CHRM3: variants seen among roughly 807,000 people sequenced by gnomAD.
CHRM3 encodes cholinergic receptor muscarinic 3.
CHRM3 carries 11 observed loss-of-function variants against 41.8 expected under a neutral mutation model. That is an observed-to-expected ratio of 0.26 (90% CI 0.17 to 0.44). The LOEUF is 0.44. Among genes scored for constraint, CHRM3 ranks in the 20% least tolerant of loss-of-function variants. The pLI, the probability that CHRM3 is intolerant of heterozygous loss-of-function variation, is 1.00. For synonymous variants in CHRM3, 297 were observed against 301.4 expected (o/e 0.99, Z 0.15); for missense variants, 571 against 745.4 (o/e 0.77, Z 2.72).
At chr1:239,824,927 T>C (rs1672334008) in intron 5 of CHRM3, among the ~76,000 whole-genome samples, 1 of 152,230 alleles carries the variant, frequency 6.6e-6, no homozygotes, top group Non-Finnish European at 1.5e-5. Flanking sequence ...AAATAAAACC[T>C]GCAACTTCAG....
intron 2 of CHRM3, among the ~76,000 whole-genome samples, chr1:239,509,665 T>C (rs986224689): frequency 6.6e-6 from 1 of 152,246 alleles, no homozygotes; most frequent in Non-Finnish European, 1.5e-5. Context: ...ATAATGCCTA[T>C]AGAATAATAG....
At chr1:239,700,143 C>CT (rs1660552470) in intron 5 of CHRM3, among the ~76,000 whole-genome samples, 1 of 152,098 alleles carries the variant, frequency 6.6e-6, no homozygotes, top group Non-Finnish European at 1.5e-5. Flanking sequence ...CTACTGGACT[C>CT]TTTGCTCATC....
intron 6 of CHRM3, among the ~76,000 whole-genome samples, chr1:239,833,441 G>T (rs1470595266): frequency 6.6e-6 from 1 of 152,128 alleles, no homozygotes. Context: ...TCCAGGTGGT[G>T]CCTTTCAGAG....
intron 2 of CHRM3, among the ~76,000 whole-genome samples, chr1:239,499,817 G>A (rs1040603803): frequency 4.6e-5 from 7 of 152,262 alleles, no homozygotes; most frequent in African/African-American, 1.7e-4. Context: ...AGAAGGGATT[G>A]GGGCCCTATC....
chr1:239,859,630 G>T (rs1459884491), intron 6 of CHRM3, among the ~76,000 whole-genome samples: 1 of 150,824 alleles, frequency 6.6e-6, no homozygotes, highest in Non-Finnish European at 1.5e-5. Flanking sequence ...TGGCCAAGCT[G>T]GTTTCAAACT....
intron 1 of CHRM3, among the ~76,000 whole-genome samples, chr1:239,433,159 TATTTTTAAAGAATCTTA>T (rs1237972282): frequency 2.6e-5 from 4 of 152,204 alleles, no homozygotes; most frequent in Non-Finnish European, 5.9e-5. Flanking sequence ...ACAACCTACA[TATTTTTAAAGAATCTTA>T]TCCTATTCTA....
chr1:239,453,976 A>G (rs1664748109), intron 1 of CHRM3, among the ~76,000 whole-genome samples: 1 of 152,208 alleles, frequency 6.6e-6, no homozygotes, highest in African/African-American at 2.4e-5. Context: ...AGTGTATAAT[A>G]GTAGGAAAAA....
intron 6 of CHRM3, among the ~76,000 whole-genome samples, chr1:239,851,909 G>A (rs948544555): frequency 3.9e-5 from 6 of 152,098 alleles, no homozygotes; most frequent in African/African-American, 1.2e-4. Flanking sequence ...CAGCATCATC[G>A]CCCAGGAGCT....
At chr1:239,737,239 C>T (rs1664469433) in intron 5 of CHRM3, among the ~76,000 whole-genome samples, 2 of 152,092 alleles carry the variant, frequency 1.3e-5, no homozygotes. Flanking sequence ...GACCAAATAA[C>T]TTTTACAATG....
At chr1:239,767,699 T>C (rs894330382) in intron 5 of CHRM3, among the ~76,000 whole-genome samples, 1 of 152,216 alleles carries the variant, frequency 6.6e-6, no homozygotes. Flanking sequence ...GATTTAGGTA[T>C]ATTATTTTAT....
intron 5 of CHRM3, among the ~76,000 whole-genome samples, chr1:239,826,262 C>G (rs1672451538): frequency 6.6e-6 from 1 of 152,106 alleles, no homozygotes; most frequent in African/African-American, 2.4e-5. Flanking sequence ...CCCCACCACC[C>G]TCGCTCCCCA....
chr1:239,484,458 T>C (rs577384014), intron 1 of CHRM3, among the ~76,000 whole-genome samples: 2 of 152,138 alleles, frequency 1.3e-5, no homozygotes, highest in East Asian at 1.9e-4. Flanking sequence ...GGAAATTACA[T>C]TGGAACATGA....
At chr1:239,820,821 G>A (rs1453512934) in intron 5 of CHRM3, among the ~76,000 whole-genome samples, 5 of 152,102 alleles carry the variant, frequency 3.3e-5, no homozygotes, top group Admixed American at 1.3e-4. Flanking sequence ...ACCATTATAT[G>A]AATGTATCAG....
intron 1 of CHRM3, among the ~76,000 whole-genome samples, chr1:239,413,334 G>T (rs1661256500): frequency 6.6e-6 from 1 of 152,068 alleles, no homozygotes; most frequent in South Asian, 2.1e-4. Context: ...CTGTCGCCCA[G>T]GCTGGAGTGC....
chr1:239,675,083 CA>C (rs1167043880), intron 4 of CHRM3, among the ~76,000 whole-genome samples: 6 of 152,084 alleles, frequency 3.9e-5, no homozygotes, highest in African/African-American at 1.4e-4. Flanking sequence ...TAATAGGGGT[CA>C]ATTATCAATG....
chr1:239,799,574 T>G (rs987197793), intron 5 of CHRM3, among the ~76,000 whole-genome samples: 16 of 152,162 alleles, frequency 1.1e-4, no homozygotes, highest in African/African-American at 3.6e-4. Flanking sequence ...AGGTCACACT[T>G]TGCCACTATT....
chr1:239,759,032 T>C (rs1666471604), intron 5 of CHRM3, among the ~76,000 whole-genome samples: 2 of 152,158 alleles, frequency 1.3e-5, no homozygotes, highest in Admixed American at 1.3e-4. Flanking sequence ...TGTTTAAATT[T>C]GTAGATATTT....
rs906691334 is a variant in CHRM3, at chr1:239,913,071, G to C, written c.*3847G>C. 6.0e-6 allele frequency: 1 copy of C among 166,982 alleles called. No individual in the cohort carries two copies. Among genetic ancestry groups the C allele is most frequent in the Non-Finnish European group, 1.5e-5 (1 of 68,116 alleles). The allele number at this position is 166,982 out of a possible 1,614,324, so 10.3% of individuals were successfully genotyped here. On this transcript the variant is annotated 3_prime_UTR_variant, in exon 7 of 7. Coordinates refer to ENST00000676153, the MANE Select transcript of CHRM3 (RefSeq NM_001375978.1). ...ATGACGAAAGTAAAATGGTATATTG[G>C]GTGAATGTTTGAAAATTTCAGATTT...
chr1:239,463,212 A>T (rs1356919227), intron 1 of CHRM3, among the ~76,000 whole-genome samples: 1 of 152,212 alleles, frequency 6.6e-6, no homozygotes, highest in Non-Finnish European at 1.5e-5. Context: ...ATAAATAACC[A>T]GTGAGTATAT....
Sources: allele counts gnomAD v4.1 joint callset (sites outside exome capture counted in the v4.1 genomes callset), GRCh38; gene constraint gnomAD v4.1.1; transcripts MANE v1.5; gene names NCBI Gene and HGNC (gene_info 2026-07-23, HGNC 2026-07-21).